FYB1: variants seen among roughly 807,000 people sequenced by gnomAD.
FYB1 encodes FYN binding protein 1, also known as FYN-binding protein 1.
FYB1 carries 41 observed loss-of-function variants against 94.1 expected under a neutral mutation model. That is an observed-to-expected ratio of 0.44 (90% CI 0.34 to 0.57). The LOEUF is 0.57. Ranked by LOEUF, FYB1 falls within the 20% of genes least tolerant of loss-of-function variation. FYB1 has a pLI of 0.02. For synonymous variants in FYB1, 367 were observed against 353.2 expected, an observed-to-expected ratio of 1.04 and a Z score of -0.44; for missense variants, 1,050 against 976.8, an observed-to-expected ratio of 1.07 and a Z score of -1.00.
chr5:39,212,184 T>C (rs1443916262), intron 1 of FYB1, among the ~76,000 whole-genome samples: 1 of 152,130 alleles, frequency 6.6e-6, no homozygotes, highest in Non-Finnish European at 1.5e-5. Context: ...GGTGAGTGCC[T>C]GTAGTCCTAG....
chr5:39,140,002 A>G (rs896485394), intron 4 of FYB1: 1 of 152,276 alleles, frequency 6.6e-6, no homozygotes, highest in Non-Finnish European at 1.5e-5. Context: ...TAACTCCTCA[A>G]AGGGGACTGC....
chr5:39,170,138 T>TA, intron 2 of FYB1: 1 of 783,680 alleles, frequency 1.3e-6, no homozygotes, highest in Non-Finnish European at 2.3e-6. Flanking sequence ...GCTGATGAAG[T>TA]ATAAGTAGCT....
chr5:39,126,468 G>A (rs1313169668), intron 11 of FYB1, among the ~76,000 whole-genome samples: 2 of 151,850 alleles, frequency 1.3e-5, no homozygotes, highest in Non-Finnish European at 2.9e-5. Context: ...AGCCAAAGTG[G>A]GAGGATTGCT....
At chr5:39,126,467 G>C (rs1262977143) in intron 11 of FYB1, among the ~76,000 whole-genome samples, 2 of 151,822 alleles carry the variant, frequency 1.3e-5, no homozygotes, top group Non-Finnish European at 2.9e-5. Flanking sequence ...AAGCCAAAGT[G>C]GGAGGATTGC....
Position 39,186,634 on chromosome 5 carries a change from G to T in FYB1, c.1135+15192C>A, listed in dbSNP as rs181165787. Among the ~76,000 whole-genome samples the T allele has an allele frequency of 4.5e-3, 579 of 128,412 alleles. 4 individuals carry two copies. Among genetic ancestry groups the T allele is most frequent in the African/African-American group, 0.017 (560 of 32,782 alleles). The allele number at this position is 128,412 out of a possible 152,430, so 84.2% of individuals were successfully genotyped here. On this transcript the variant is annotated intron_variant, in intron 2 of 18. Transcript: ENST00000512982. ...TGTGATTTAACACCTGCAACAATTG[G>T]ATGCTTTTTTTTTTTTTTTTTTTTT... is the stretch of plus-strand genomic sequence containing the variant.
intron 1 of FYB1, chr5:39,269,847 A>G (rs562815910): frequency 6.6e-6 from 1 of 152,320 alleles, no homozygotes; most frequent in East Asian, 1.9e-4. Flanking sequence ...AAGACAGAAA[A>G]TTAGCTCTCT....
At chr5:39,160,318 A>C (rs909715389) in intron 2 of FYB1, among the ~76,000 whole-genome samples, 9 of 152,352 alleles carry the variant, frequency 5.9e-5, no homozygotes, top group Non-Finnish European at 1.3e-4. Flanking sequence ...CCATTCATAC[A>C]CTACAGTCTA....
chr5:39,177,078 G>A (rs1269931362), intron 2 of FYB1, among the ~76,000 whole-genome samples: 5 of 152,154 alleles, frequency 3.3e-5, no homozygotes, highest in Admixed American at 3.3e-4. Context: ...CTTTTGTCCT[G>A]GCAACAGTAG....
In FYB1 at chr5:39,134,217, TC is replaced by T; in HGVS notation, c.1807del (p.Asp603IlefsTer51). ...ACGTACTTGCACATACCTGCTAATA[TC>T]ATCCTGCTCTGCAACATCATCATAT... ...EVYDDVAEQD[D>X]ISSHSQSGSG... On this transcript the variant is annotated frameshift_variant, in exon 9 of 19. Coordinates refer to ENST00000512982, the MANE Select transcript of FYB1 (RefSeq NM_001465.6). LOFTEE classifies it high-confidence loss of function. 1 of 1,609,704 alleles carries T rather than the reference TC, an allele frequency of 6.2e-7. No homozygotes were observed. The highest frequency in any genetic ancestry group is 2.2e-5 in the East Asian group (1 of 44,702).
At chr5:39,146,243 T>C (rs555883611) in intron 3 of FYB1, among the ~76,000 whole-genome samples, 2 of 152,260 alleles carry the variant, frequency 1.3e-5, no homozygotes, top group East Asian at 3.9e-4. Flanking sequence ...CCTTAAACAG[T>C]CCTTCCTTTG....
intron 4 of FYB1, among the ~76,000 whole-genome samples, chr5:39,140,308 C>T (rs949095237): frequency 6.6e-6 from 1 of 151,872 alleles, no homozygotes; most frequent in Non-Finnish European, 1.5e-5. Flanking sequence ...ACTCCCAATA[C>T]AAAAAATGGT....
intron 1 of FYB1, among the ~76,000 whole-genome samples, chr5:39,257,130 T>G (rs1751973750): frequency 6.6e-6 from 1 of 152,252 alleles, no homozygotes; most frequent in Non-Finnish European, 1.5e-5. Context: ...GAATTTATTG[T>G]TGGCTTATCA....
chr5:39,264,567 G>C (rs1752350280), intron 1 of FYB1, among the ~76,000 whole-genome samples: 1 of 152,072 alleles, frequency 6.6e-6, no homozygotes, highest in Non-Finnish European at 1.5e-5. Context: ...AGCCATCCTG[G>C]TCTTTTTACA....
chr5:39,166,319 TCAGCTAC>T (rs1002908801), intron 2 of FYB1, among the ~76,000 whole-genome samples: 1 of 151,598 alleles, frequency 6.6e-6, no homozygotes, highest in Non-Finnish European at 1.5e-5. Flanking sequence ...GCCTGTAATC[TCAGCTAC>T]TCGGGAGGCT....
chr5:39,152,906 G>T (rs570746622), intron 3 of FYB1, among the ~76,000 whole-genome samples: 1 of 152,308 alleles, frequency 6.6e-6, no homozygotes, highest in South Asian at 2.1e-4. Flanking sequence ...AGACTACATT[G>T]GTTGAAATTT....
intron 1 of FYB1, among the ~76,000 whole-genome samples, chr5:39,251,569 A>C (rs1003917041): frequency 6.6e-6 from 1 of 152,186 alleles, no homozygotes; most frequent in African/African-American, 2.4e-5. Flanking sequence ...TAAAGAGCAA[A>C]GTGTGAAAAG....
intron 2 of FYB1, among the ~76,000 whole-genome samples, chr5:39,153,927 C>G (rs1277914252): frequency 6.6e-6 from 1 of 151,998 alleles, no homozygotes; most frequent in Non-Finnish European, 1.5e-5. Context: ...GCGTGCACCA[C>G]AATGCCCATC....
At chr5:39,243,534 G>A (rs1751317904) in intron 1 of FYB1, among the ~76,000 whole-genome samples, 1 of 152,022 alleles carries the variant, frequency 6.6e-6, no homozygotes, top group South Asian at 2.1e-4. Flanking sequence ...TGCTGTTTTG[G>A]TGACTGTAGC....
At chr5:39,209,835 AC>A (rs1205547478) in intron 1 of FYB1, among the ~76,000 whole-genome samples, 1 of 152,070 alleles carries the variant, frequency 6.6e-6, no homozygotes, top group African/African-American at 2.4e-5. Context: ...CTTAAATTTC[AC>A]CTTGATTGGT....
Sources: gnomAD v4.1 joint callset for allele counts (sites outside exome capture counted in the v4.1 genomes callset) on GRCh38, gnomAD v4.1.1 for gene constraint, MANE v1.5 for transcripts, NCBI Gene and HGNC (gene_info 2026-07-23, HGNC 2026-07-21) for gene names.